C1orf94: variants seen among roughly 807,000 people sequenced by gnomAD.
C1orf94 encodes the protein uncharacterized protein C1orf94.
In C1orf94, 45 loss-of-function variants were observed where a neutral mutation model predicts 53.6. The ratio of observed to expected loss-of-function variants is 0.84; its 90% confidence interval spans 0.66 to 1.08. The LOEUF is 1.08. Ranked by LOEUF, C1orf94 falls within the 50% of genes least tolerant of loss-of-function variation. The pLI is 0.00. For synonymous variants in C1orf94, 304 were observed against 296.1 expected (o/e 1.03, Z -0.27); for missense variants, 762 against 738.9 (o/e 1.03, Z -0.36).
At chr1:34,208,341 C>A in intron 5 of C1orf94, 107 bp downstream of exon 5, 1 of 1,101,470 alleles carries the variant, frequency 9.1e-7, no homozygotes, top group Non-Finnish European at 1.3e-6. Context: ...GACACCTGGC[C>A]CACCATTGGC....
Position 34,213,468 on chromosome 1 carries a change from C to A in C1orf94, c.1721+1062C>A, listed in dbSNP as rs182750609. 3.3e-5 allele frequency among the ~76,000 whole-genome samples: 5 copies of A among 152,224 alleles called. No individual in the cohort carries two copies. The East Asian group carries it at 7.7e-4, about 24-fold the overall frequency. ...AGATCATTTAATTTCCTAGGGTGCA[C>A]GGAGAATGTTCAAGAAGGTGGTCGA... On this transcript the variant is annotated intron_variant, in intron 6 of 6. Coordinates refer to ENST00000488417, the MANE Select transcript of C1orf94 (RefSeq NM_001134734.2).
chr1:34,204,169 C>G (rs1642757430), intron 4 of C1orf94, among the ~76,000 whole-genome samples: 1 of 152,220 alleles, frequency 6.6e-6, no homozygotes, highest in Non-Finnish European at 1.5e-5. Context: ...AACCCTATGT[C>G]ATTCTTTCCC....
In C1orf94 at chr1:34,197,332, A is replaced by T. The variant is rs1642604294; in HGVS notation, c.428A>T (p.Glu143Val). Residue 143 changes from glutamate to valine, a missense_variant, in exon 2 of 7, where the codon GAG becomes GTG. Glu to Val is a moderately radical substitution (Grantham distance 121). Coordinates refer to ENST00000488417, the MANE Select transcript of C1orf94 (RefSeq NM_001134734.2). The surrounding 1 kb of genome is among the most constrained non-coding windows in gnomAD (Gnocchi z 4.1). ...ATCCTGGTCGAAGAGAGTTCTGGGG[A>T]GCTGGAGGTACCCGGCAGCTCTCCC... Reference protein sequence around the residue: ...HSILVEESSGELEVPGSSPEG... With the variant: ...HSILVEESSGVLEVPGSSPEG... The T allele has an allele frequency of 6.3e-7, 1 of 1,581,904 alleles. No individual in the cohort carries two copies. Among genetic ancestry groups the T allele is most frequent in the Non-Finnish European group, 8.6e-7 (1 of 1,163,558 alleles).
At chr1:34,191,271 G>C (rs1642475622) in intron 1 of C1orf94, among the ~76,000 whole-genome samples, 1 of 152,166 alleles carries the variant, frequency 6.6e-6, no homozygotes, top group Non-Finnish European at 1.5e-5. Context: ...TAAAATGAGA[G>C]TTTTGCTTGT....
At chr1:34,209,746 T>C (rs1486011034) in intron 5 of C1orf94, among the ~76,000 whole-genome samples, 1 of 152,188 alleles carries the variant, frequency 6.6e-6, no homozygotes, top group Admixed American at 6.5e-5. Context: ...GAGATGAATC[T>C]GGGATGAGAG....
intron 1 of C1orf94, among the ~76,000 whole-genome samples, chr1:34,192,291 T>G (rs2148615819): frequency 6.6e-6 from 1 of 152,286 alleles, no homozygotes; most frequent in African/African-American, 2.4e-5. Context: ...CAATGCGGGT[T>G]CTGTGTGGGG....
chr1:34,195,547 C>T (rs1185492933), intron 1 of C1orf94, among the ~76,000 whole-genome samples: 1 of 152,106 alleles, frequency 6.6e-6, no homozygotes, highest in Non-Finnish European at 1.5e-5. Context: ...GGTACATTCC[C>T]ATGTCTTTAG....
chr1:34,196,678 A>G (rs1389373227), intron 1 of C1orf94, among the ~76,000 whole-genome samples: 1 of 152,188 alleles, frequency 6.6e-6, no homozygotes, highest in Non-Finnish European at 1.5e-5. Flanking sequence ...CAACCTGCCC[A>G]GGGTCACACC....
chr1:34,215,945 G>T (rs1199582782), intron 6 of C1orf94, among the ~76,000 whole-genome samples: 1 of 152,194 alleles, frequency 6.6e-6, no homozygotes, highest in Non-Finnish European at 1.5e-5. Flanking sequence ...GGCGGAGGTT[G>T]CAGTGAGCCG....
At chr1:34,171,229 A>G (rs553438853) in intron 1 of C1orf94, among the ~76,000 whole-genome samples, 4 of 151,666 alleles carry the variant, frequency 2.6e-5, no homozygotes, top group East Asian at 3.9e-4. Flanking sequence ...ACACCCTTGC[A>G]CTCTTGCAAT....
chr1:34,203,747 T>A (rs1642750272), intron 4 of C1orf94, among the ~76,000 whole-genome samples: 1 of 152,216 alleles, frequency 6.6e-6, no homozygotes, highest in Non-Finnish European at 1.5e-5. Flanking sequence ...CTCACAGAAC[T>A]TATTTATGCA....
chr1:34,184,328 T>C (rs1386408465), intron 1 of C1orf94, among the ~76,000 whole-genome samples: 1 of 152,124 alleles, frequency 6.6e-6, no homozygotes, highest in African/African-American at 2.4e-5. Context: ...GAGTGAAGTG[T>C]AGCATGTGTT....
At position 34,200,685 on chromosome 1, in the gene C1orf94, A is replaced by C. The variant is rs1642689029; in HGVS notation, c.1010-87A>C. The C allele has an allele frequency of 2.6e-6, 4 of 1,545,748 alleles. No homozygotes were observed. The South Asian group carries it at 4.9e-5, about 19-fold the overall frequency. ...AAGCCTCAGGTGTGTGCTGCAGAGG[A>C]TTCATCATTTAGTCCACAAAAAGGT... On this transcript the variant is annotated intron_variant, in intron 2 of 6. Transcript: ENST00000488417.
At chr1:34,173,497 G>C (rs942108590), upstream of C1orf94, among the ~76,000 whole-genome samples, 15 of 152,170 alleles carry the variant, frequency 9.9e-5, no homozygotes, top group Non-Finnish European at 1.9e-4. Context: ...AAGAGGCTTT[G>C]ACTGGATGGG....
intron 1 of C1orf94, among the ~76,000 whole-genome samples, chr1:34,179,606 G>A (rs1319156552): frequency 6.6e-6 from 1 of 152,232 alleles, no homozygotes; most frequent in East Asian, 1.9e-4. Flanking sequence ...CAAATTGAGG[G>A]TGATATGTGC....
chr1:34,192,789 C>T (rs1642514085), intron 1 of C1orf94, among the ~76,000 whole-genome samples: 1 of 152,124 alleles, frequency 6.6e-6, no homozygotes, highest in Non-Finnish European at 1.5e-5. Context: ...AGTCAAGGGA[C>T]ACTGGGGGGT....
At chr1:34,178,202 G>C in intron 1 of C1orf94, 93 bp downstream of exon 1, 3 of 1,329,464 alleles carry the variant, frequency 2.3e-6, no homozygotes, top group Non-Finnish European at 3.1e-6. Context: ...TGTTGAGGCT[G>C]GTGAAACCCT....
At position 34,197,402 on chromosome 1, in the gene C1orf94, A is replaced by G. The variant is rs769647209; in HGVS notation, c.498A>G (p.Leu166=). The G allele has an allele frequency of 6.2e-7, 1 of 1,613,654 alleles. No individual in the cohort carries two copies. The highest frequency in any genetic ancestry group is 8.5e-7 in the Non-Finnish European group (1 of 1,179,810). The change falls in exon 2 of 7, where the codon CTA becomes CTG. Residue 166 remains leucine, a synonymous_variant. Transcript: ENST00000488417. This position sits in a 1 kb window ranked among gnomAD's most constrained non-coding sequence, Gnocchi z 4.1. ...ELAPCILAPP[L]VAGSNERPRA... ...CTCCCTGCATTCTTGCCCCTCCTCT[A>G]GTGGCAGGCAGTAATGAGCGCCCCA...
chr1:34,182,720 G>A (rs935338059), intron 1 of C1orf94, among the ~76,000 whole-genome samples: 1 of 152,174 alleles, frequency 6.6e-6, no homozygotes, highest in Non-Finnish European at 1.5e-5. Context: ...AAGGATGGGG[G>A]CATGCATCAC....
Sources: gnomAD v4.1 joint callset for allele counts (sites outside exome capture counted in the v4.1 genomes callset) on GRCh38, gnomAD v4.1.1 for gene constraint, Gnocchi (gnomAD v3.1) non-coding constraint, MANE v1.5 for transcripts, NCBI Gene and HGNC (gene_info 2026-07-23, HGNC 2026-07-21) for gene names.